The following KIAA1217 variants were observed in gnomAD, a reference collection of about 807,000 sequenced individuals.
KIAA1217 encodes sickle tail protein homolog.
In KIAA1217, 88 loss-of-function variants were observed where a neutral mutation model predicts 163.9. The observed-to-expected ratio is 0.54, with a 90% CI of 0.45 to 0.64. KIAA1217 has a LOEUF of 0.64. Ranked by LOEUF, KIAA1217 falls within the 30% of genes least tolerant of loss-of-function variation. The pLI, the probability that KIAA1217 is intolerant of heterozygous loss-of-function variation, is 0.00. For missense variants in KIAA1217, 2,372 were observed against 2,475.0 expected, an observed-to-expected ratio of 0.96 and a Z score of 0.88; for synonymous variants, 903 against 923.1, an observed-to-expected ratio of 0.98 and a Z score of 0.39.
chr10:23,910,622 G>A (rs1466511898), intron 1 of KIAA1217, among the ~76,000 whole-genome samples: 1 of 152,188 alleles, frequency 6.6e-6, no homozygotes. Context: ...TAAATCCTGG[G>A]TGAGGAAACT....
rs117747871 is a variant in KIAA1217, at chr10:23,813,982, G to A, written c.-321+118748G>A. On this transcript the variant is annotated intron_variant, in intron 1 of 18. Transcript: ENST00000376462. ...CTGTCAATTCAGGATGATGCAGTTC[G>A]CTCAGGAAGTCATAAGTTCTGACAA... 9.2e-5 allele frequency among the ~76,000 whole-genome samples: 14 copies of A among 152,212 alleles called. No homozygotes were observed. In the East Asian group the frequency reaches 9.6e-4, roughly 10 times the overall value.
chr10:24,357,592 A>T (rs557098536), intron 2 of KIAA1217, among the ~76,000 whole-genome samples: 1 of 152,322 alleles, frequency 6.6e-6, no homozygotes, highest in South Asian at 2.1e-4. Context: ...AAGCCTTTGT[A>T]ATAATGAGAG....
intron 1 of KIAA1217, among the ~76,000 whole-genome samples, chr10:23,739,117 A>G (rs1411804742): frequency 6.6e-6 from 1 of 152,236 alleles, no homozygotes; most frequent in Non-Finnish European, 1.5e-5. Flanking sequence ...ATGGAACTGG[A>G]GGTCACCATT....
chr10:23,945,075 A>AG (rs35415139), intron 1 of KIAA1217, among the ~76,000 whole-genome samples: 23,032 of 146,288 alleles, frequency 0.16, 2,002 homozygotes, highest in Middle Eastern at 0.23. Context: ...AAAAAAAAAA[A>AG]GGGTTTTAAC....
rs553631914 is a variant in KIAA1217 at position 23,833,650 on chromosome 10, T to C, written c.-321+138416T>C. Among the ~76,000 whole-genome samples the C allele has an allele frequency of 6.3e-4, 96 of 152,188 alleles. 1 individual carries two copies. Among genetic ancestry groups the C allele is most frequent in the Non-Finnish European group, 8.2e-4 (56 of 67,980 alleles). ...ATTTTCTTGTTTACAGTTTCAATAC[T>C]TCTGTCTCTAGTTTTGTATTTATTT... On this transcript the variant is annotated intron_variant, in intron 1 of 18. Transcript: ENST00000376462.
chr10:24,147,832 C>CAAAAAAAAAAAAAAAAAAAAAAAAAAA (rs1176106711), intron 2 of KIAA1217, among the ~76,000 whole-genome samples: 41 of 20,762 alleles, frequency 2.0e-3, no homozygotes, highest in South Asian at 3.8e-3. Flanking sequence ...TACTCTGTCT[C>CAAAAAAAAAAAAAAAAAAAAAAAAAAA]AAAAAAAAAA....
rs772470799 is a variant in KIAA1217, at chr10:24,290,607, C to CT, written c.354+70712dup. Among the ~76,000 whole-genome samples, 947 of 142,610 alleles carry CT rather than the reference C, an allele frequency of 6.6e-3. 8 individuals are homozygous for CT. The highest frequency in any genetic ancestry group is 0.017 in the African/African-American group (676 of 39,186). 93.6% of individuals were successfully genotyped at this position (142,610 alleles called of 152,430 possible). A position where few individuals can be genotyped will look rare whatever the true frequency, so the allele number is the denominator to read the frequency against. ...AAGCATAATATAAACAGATGTCTCT[C>CT]TTTTTTTTTTTTTTCAGACGGAGTC... is the stretch of plus-strand genomic sequence containing the variant. On this transcript the variant is annotated intron_variant, in intron 2 of 20. Coordinates refer to ENST00000376454, the MANE Select transcript of KIAA1217 (RefSeq NM_019590.5).
intron 2 of KIAA1217, among the ~76,000 whole-genome samples, chr10:24,188,725 T>A (rs2066561527): frequency 6.6e-6 from 1 of 152,192 alleles, no homozygotes; most frequent in South Asian, 2.1e-4. Context: ...AAATCGTCTT[T>A]GTTAGTTCAT....
chr10:24,346,879 T>C (rs1024132800), intron 2 of KIAA1217, among the ~76,000 whole-genome samples: 1 of 152,178 alleles, frequency 6.6e-6, no homozygotes, highest in Non-Finnish European at 1.5e-5. Context: ...CCAGGTTTTG[T>C]TGGCTTTTAA....
At chr10:24,232,385 T>C (rs1403346898) in intron 2 of KIAA1217, among the ~76,000 whole-genome samples, 1 of 152,124 alleles carries the variant, frequency 6.6e-6, no homozygotes, top group Non-Finnish European at 1.5e-5. Context: ...ATTAGTGACA[T>C]GGAAGAGCAA....
intron 2 of KIAA1217, among the ~76,000 whole-genome samples, chr10:24,031,439 C>T (rs1048256639): frequency 1.8e-4 from 27 of 152,098 alleles, no homozygotes; most frequent in African/African-American, 6.0e-4. Context: ...TAGCCGGAAC[C>T]GCAGCATATG....
rs576582645 is a variant in KIAA1217 at position 24,068,589 on chromosome 10, A to C, written c.-171+61215A>C. Among the ~76,000 whole-genome samples, 11 of 152,316 alleles carry C rather than the reference A, an allele frequency of 7.2e-5. No individual in the cohort carries two copies. In the South Asian group the frequency reaches 1.9e-3, roughly 26 times the overall value. The stretch of plus-strand genomic sequence containing the variant: ...CTACCACTTTGCCCAGTCTTCATGG[A>C]CAAGACTGCTACAGAAGAAGATCCT... On this transcript the variant is annotated intron_variant, in intron 2 of 18. Coordinates refer to the KIAA1217 transcript ENST00000376462.
chr10:24,105,421 C>T (rs147082187), intron 2 of KIAA1217, among the ~76,000 whole-genome samples: 43 of 152,258 alleles, frequency 2.8e-4, no homozygotes, highest in African/African-American at 9.6e-4. Flanking sequence ...TCAAAGGTAG[C>T]AGCTTTTTAA....
intron 1 of KIAA1217, among the ~76,000 whole-genome samples, chr10:23,992,395 G>A (rs553655832): frequency 5.9e-5 from 9 of 151,438 alleles, no homozygotes; most frequent in African/African-American, 1.7e-4. Flanking sequence ...TGCAATCCTT[G>A]CCTACCCCAT....
At chr10:24,144,760 C>A (rs1488066710) in intron 2 of KIAA1217, among the ~76,000 whole-genome samples, 1 of 152,202 alleles carries the variant, frequency 6.6e-6, no homozygotes, top group African/African-American at 2.4e-5. Context: ...TATGCTTCTG[C>A]TATTTTTAGG....
chr10:23,903,301 TC>T (rs1400545926), intron 1 of KIAA1217, among the ~76,000 whole-genome samples: 8 of 152,116 alleles, frequency 5.3e-5, no homozygotes, highest in African/African-American at 1.7e-4. Context: ...TTCTAAAAAG[TC>T]TTTTGTAAGG....
intron 2 of KIAA1217, chr10:24,042,484 C>T (rs1204885318): frequency 6.6e-6 from 1 of 152,178 alleles, no homozygotes; most frequent in Non-Finnish European, 1.5e-5. Context: ...CGGAAAGCTA[C>T]ACCACACAAA....
At chr10:23,785,732 T>C (rs1418346805) in intron 1 of KIAA1217, among the ~76,000 whole-genome samples, 1 of 146,608 alleles carries the variant, frequency 6.8e-6, no homozygotes, top group Admixed American at 6.8e-5. Context: ...CAAGGATTCA[T>C]CAAGAGTAAG....
At chr10:23,726,884 A>G (rs892344037) in intron 1 of KIAA1217, among the ~76,000 whole-genome samples, 1 of 152,074 alleles carries the variant, frequency 6.6e-6, no homozygotes, top group Non-Finnish European at 1.5e-5. Context: ...TAGAAAAGTA[A>G]AGAATTTCTT....
Sources: gnomAD v4.1 joint callset for allele counts (sites outside exome capture counted in the v4.1 genomes callset) on GRCh38, gnomAD v4.1.1 for gene constraint, MANE v1.5 for transcripts, NCBI Gene and HGNC (gene_info 2026-07-23, HGNC 2026-07-21) for gene names.